Variants in TXN2 observed in about 807,000 individuals in gnomAD.
TXN2 encodes the protein thioredoxin 2.
TXN2 carries 12 observed loss-of-function variants against 14.6 expected under a neutral mutation model. The observed-to-expected ratio is 0.82, with a 90% CI of 0.53 to 1.33. The LOEUF (loss-of-function observed/expected upper bound fraction) is 1.33. Ranked by LOEUF, TXN2 falls within the 40% of genes most tolerant of loss-of-function variation. TXN2 has a pLI of 0.00. For synonymous variants in TXN2, 89 were observed against 81.0 expected (o/e 1.10, Z -0.53); for missense variants, 173 against 207.7 (o/e 0.83, Z 1.03).
chr22:36,479,296 G>C (rs1161173078), intron 2 of TXN2, among the ~76,000 whole-genome samples: 1 of 151,754 alleles, frequency 6.6e-6, no homozygotes, highest in Non-Finnish European at 1.5e-5. Flanking sequence ...GAAACAATCT[G>C]TCAGAGACCT....
At chr22:36,470,986 CACACAT>C (rs1221902733) in intron 3 of TXN2, among the ~76,000 whole-genome samples, 1 of 148,192 alleles carries the variant, frequency 6.7e-6, no homozygotes, top group Non-Finnish European at 1.5e-5. Flanking sequence ...TATACACACA[CACACAT>C]ACACACTACC....
intron 3 of TXN2, 123 bp downstream of exon 3, chr22:36,476,609 GA>G: frequency 7.1e-7 from 1 of 1,399,936 alleles, no homozygotes; most frequent in Non-Finnish European, 9.6e-7. Context: ...AAAAGCTCTG[GA>G]AAAACCAAGA....
chr22:36,470,485 G>C (rs1933250508), intron 3 of TXN2, among the ~76,000 whole-genome samples: 1 of 152,222 alleles, frequency 6.6e-6, no homozygotes, highest in Non-Finnish European at 1.5e-5. Flanking sequence ...GGCAGAAGCA[G>C]AGAGCTCAGC....
intron 3 of TXN2, among the ~76,000 whole-genome samples, chr22:36,471,097 C>T (rs1202216518): frequency 6.6e-6 from 1 of 152,166 alleles, no homozygotes; most frequent in Non-Finnish European, 1.5e-5. Flanking sequence ...GTCTGGCTCA[C>T]ACATCAGGAG....
chr22:36,471,050 G>A (rs979071201), intron 3 of TXN2, among the ~76,000 whole-genome samples: 1 of 152,112 alleles, frequency 6.6e-6, no homozygotes, highest in Non-Finnish European at 1.5e-5. Flanking sequence ...GACTTCCCTC[G>A]ACCCTGAGGA....
At chr22:36,481,057 C>A in intron 1 of TXN2, 1 of 470,662 alleles carries the variant, frequency 2.1e-6, no homozygotes, top group Non-Finnish European at 3.7e-6. Context: ...GGCTTCACAA[C>A]CAAAAAGAAA....
At chr22:36,481,314 T>C (rs1489017084) in intron 1 of TXN2, 1 of 153,982 alleles carries the variant, frequency 6.5e-6, no homozygotes, top group Non-Finnish European at 1.4e-5. Flanking sequence ...TCTGAAAAGA[T>C]GAAACGCAAC....
intron 2 of TXN2, 149 bp downstream of exon 2, chr22:36,480,426 T>C: frequency 1.1e-6 from 1 of 927,588 alleles, no homozygotes; most frequent in African/African-American, 1.7e-5. Flanking sequence ...CCAGACTGCA[T>C]TCCCCTTGAG....
In TXN2 at chr22:36,481,562, A is replaced by C; in HGVS notation, c.-1+2T>G. On this transcript the variant is annotated splice_donor_variant, in intron 1 of 3. Coordinates refer to ENST00000216185, the MANE Select transcript of TXN2 (RefSeq NM_012473.4). LOFTEE classifies it low-confidence loss of function (5UTR_SPLICE). Reference sequence around the variant, plus strand: ...CTCGAGCCACCCCCACAGGGCTCCTACCTCCCTGCAATGCGAGCGGAGGGA... The same window carrying C: ...CTCGAGCCACCCCCACAGGGCTCCTCCCTCCCTGCAATGCGAGCGGAGGGA... The C allele has an allele frequency of 2.0e-6, 2 of 998,676 alleles. No individual in the cohort carries two copies. Among genetic ancestry groups the C allele is most frequent in the Non-Finnish European group, 2.4e-6 (2 of 829,512 alleles). 61.9% of individuals were successfully genotyped at this position (998,676 alleles called of 1,614,324 possible). A position where few individuals can be genotyped will look rare whatever the true frequency, so the allele number is the denominator to read the frequency against.
At chr22:36,476,897 G>A (rs1829109053) in intron 2 of TXN2, 41 bp from the exon 3 acceptor site, 1 of 1,613,192 alleles carries the variant, frequency 6.2e-7, no homozygotes. Flanking sequence ...AGTCAAAAGA[G>A]CGCTCAGCAT....
chr22:36,478,337 A>G (rs762471255), intron 2 of TXN2, among the ~76,000 whole-genome samples: 1 of 151,944 alleles, frequency 6.6e-6, no homozygotes. Context: ...TGAACAACTC[A>G]CACCACCCCA....
intron 3 of TXN2, among the ~76,000 whole-genome samples, chr22:36,468,977 G>A (rs763558800): frequency 1.3e-5 from 2 of 152,038 alleles, no homozygotes; most frequent in Non-Finnish European, 2.9e-5. Flanking sequence ...GGGAGGTGGA[G>A]GCTGGAGTCA....
At position 36,476,736 on chromosome 22, in the gene TXN2, A is replaced by G. The variant is rs1297330916; in HGVS notation, c.384T>C (p.Tyr128=). 1 of 1,613,834 alleles carries G rather than the reference A, an allele frequency of 6.2e-7. No homozygotes were observed. Among genetic ancestry groups the G allele is most frequent in the Non-Finnish European group, 8.5e-7 (1 of 1,179,972 alleles). Reference sequence around the variant, plus strand: ...GCAACTCCCTGTCAATCCATACCTCATACTCAATGGCGAGGTCTGTGTGGT... The same window carrying G: ...GCAACTCCCTGTCAATCCATACCTCGTACTCAATGGCGAGGTCTGTGTGGT... ...IDDHTDLAIE[Y]EVSAVPTVLA... Residue 128 remains tyrosine, a synonymous_variant, in exon 3 of 4, where the codon TAT becomes TAC. Transcript: ENST00000216185.
intron 3 of TXN2, among the ~76,000 whole-genome samples, chr22:36,471,657 T>C (rs1470511738): frequency 6.6e-6 from 1 of 152,072 alleles, no homozygotes. Context: ...GCTCAAAGGG[T>C]GAGCAACTGT....
chr22:36,476,589 CT>C, intron 3 of TXN2, 143 bp downstream of exon 3: 1 of 1,178,430 alleles, frequency 8.5e-7, no homozygotes, highest in Non-Finnish European at 1.2e-6. Flanking sequence ...GAGATTCCGT[CT>C]CAAAAAAAAA....
intron 3 of TXN2, 71 bp from the exon 4 acceptor site, chr22:36,467,988 T>C: frequency 7.3e-7 from 1 of 1,374,184 alleles, no homozygotes; most frequent in Non-Finnish European, 1.0e-6. Flanking sequence ...TCCTGAGCCT[T>C]TGTGGGGAAG....
At chr22:36,468,015 G>A in intron 3 of TXN2, 98 bp from the exon 4 acceptor site, 2 of 1,034,974 alleles carry the variant, frequency 1.9e-6, no homozygotes, top group Non-Finnish European at 3.0e-6. Flanking sequence ...GGCTTATCCA[G>A]GGCACTGACT....
chr22:36,478,385 T>C (rs1244061271), intron 2 of TXN2, among the ~76,000 whole-genome samples: 1 of 152,220 alleles, frequency 6.6e-6, no homozygotes. Context: ...ATCCCATTTA[T>C]TGTTCATTTC....
chr22:36,473,280 TA>T (rs1356829985), intron 3 of TXN2, among the ~76,000 whole-genome samples: 129 of 152,148 alleles, frequency 8.5e-4, no homozygotes, highest in African/African-American at 2.9e-3. Flanking sequence ...TTGTCTCTAT[TA>T]AAACTACAAA....
Sources: allele counts gnomAD v4.1 joint callset (sites outside exome capture counted in the v4.1 genomes callset), GRCh38; gene constraint gnomAD v4.1.1; transcripts MANE v1.5; gene names NCBI Gene and HGNC (gene_info 2026-07-23, HGNC 2026-07-21).